Variants in ADAM28 observed in about 807,000 individuals in gnomAD.
ADAM28 encodes disintegrin and metalloproteinase domain-containing protein 28.
A neutral mutation model predicts 101.2 loss-of-function variants in ADAM28; 105 were observed. The observed-to-expected ratio is 1.04, with a 90% CI of 0.89 to 1.22. The LOEUF (loss-of-function observed/expected upper bound fraction) is 1.22. Ranked by LOEUF, ADAM28 falls within the 50% of genes most tolerant of loss-of-function variation. ADAM28 has a pLI of 0.00. For missense variants in ADAM28, 1,028 were observed against 945.4 expected, an observed-to-expected ratio of 1.09 and a Z score of -1.15; for synonymous variants, 322 against 310.6, an observed-to-expected ratio of 1.04 and a Z score of -0.39.
At chr8:24,311,487 T>G (rs759730684) in intron 5 of ADAM28, 50 bp downstream of exon 5, 1 of 1,486,556 alleles carries the variant, frequency 6.7e-7, no homozygotes, top group South Asian at 1.2e-5. Context: ...GGTATTTATG[T>G]ATGTATCTAA....
intron 19 of ADAM28, 125 bp from the exon 20 acceptor site, chr8:24,351,106 TA>T: frequency 5.7e-6 from 4 of 695,968 alleles, no homozygotes; most frequent in Non-Finnish European, 6.7e-6. Flanking sequence ...AGGGAGCAGA[TA>T]AAAACCCAGG....
At chr8:24,324,326 T>C (rs928393369) in intron 9 of ADAM28, among the ~76,000 whole-genome samples, 5 of 151,996 alleles carry the variant, frequency 3.3e-5, no homozygotes, top group African/African-American at 1.2e-4. Flanking sequence ...AGAAGAAACA[T>C]CTAAGATATT....
chr8:24,329,188 A>C (rs990057207), intron 10 of ADAM28, among the ~76,000 whole-genome samples: 3 of 152,068 alleles, frequency 2.0e-5, no homozygotes, highest in Admixed American at 6.6e-5. Context: ...GAAAGAATAT[A>C]GTGTGTCTAG....
intron 5 of ADAM28, among the ~76,000 whole-genome samples, chr8:24,312,931 A>G (rs1464329806): frequency 2.6e-5 from 4 of 152,214 alleles, no homozygotes; most frequent in African/African-American, 9.6e-5. Context: ...ATTAAGACAA[A>G]TAAATGTGGA....
At chr8:24,300,651 T>C (rs1238686420) in intron 2 of ADAM28, among the ~76,000 whole-genome samples, 1 of 152,048 alleles carries the variant, frequency 6.6e-6, no homozygotes, top group Non-Finnish European at 1.5e-5. Flanking sequence ...CTCCTGACCT[T>C]GTGATCCGCC....
Position 24,354,530 on chromosome 8 carries a change from C to CTGAT in ADAM28, c.*128_*131dup. The CTGAT allele has an allele frequency of 5.1e-6, 6 of 1,171,780 alleles. 1 individual carries two copies. Among genetic ancestry groups the CTGAT allele is most frequent in the Middle Eastern group, 2.0e-4 (1 of 4,942 alleles). 72.6% of individuals were successfully genotyped at this position (1,171,780 alleles called of 1,614,324 possible). A position where few individuals can be genotyped will look rare whatever the true frequency, so the allele number is the denominator to read the frequency against. ...CTCGACTCAAGAAGGTTAACATTTT[C>CTGAT]TGATTCATGTTAGACTTTGAAGAGA... On this transcript the variant is annotated 3_prime_UTR_variant, in exon 23 of 23. Coordinates refer to ENST00000265769, the MANE Select transcript of ADAM28 (RefSeq NM_014265.6).
intron 13 of ADAM28, among the ~76,000 whole-genome samples, 179 bp from the exon 14 acceptor site, chr8:24,335,267 T>C (rs1004657506): frequency 2.6e-5 from 4 of 152,094 alleles, no homozygotes; most frequent in Non-Finnish European, 5.9e-5. Context: ...TTAACCAATA[T>C]TAATAGAAGT....
intron 9 of ADAM28, chr8:24,325,198 T>A (rs918909498): frequency 3.9e-5 from 6 of 151,974 alleles, no homozygotes; most frequent in African/African-American, 1.4e-4. Flanking sequence ...GAATACTCCA[T>A]CACTGTAAGT....
chr8:24,327,462 G>T (rs1381115135), intron 10 of ADAM28, among the ~76,000 whole-genome samples: 1 of 152,074 alleles, frequency 6.6e-6, no homozygotes, highest in Non-Finnish European at 1.5e-5. Context: ...TGGCCATACT[G>T]CCCAACATAA....
intron 2 of ADAM28, among the ~76,000 whole-genome samples, chr8:24,304,974 C>A (rs1393579673): frequency 6.6e-6 from 1 of 151,712 alleles, no homozygotes; most frequent in Non-Finnish European, 1.5e-5. Flanking sequence ...CATCATATTC[C>A]AGTTCTTATG....
At chr8:24,353,655 A>T (rs1469846180) in intron 21 of ADAM28, 115 bp from the exon 22 acceptor site, 10 of 766,494 alleles carry the variant, frequency 1.3e-5, no homozygotes, top group Non-Finnish European at 2.2e-5. Context: ...GTTGGGTAGA[A>T]TTTAAATGAG....
chr8:24,342,896 T>TTAGA (rs1326329022), intron 16 of ADAM28: 1 of 839,234 alleles, frequency 1.2e-6, no homozygotes. Flanking sequence ...ACATAAATTC[T>TTAGA]TAGATAGACT....
intron 10 of ADAM28, among the ~76,000 whole-genome samples, chr8:24,327,227 A>T (rs1352616346): frequency 6.6e-6 from 1 of 152,140 alleles, no homozygotes; most frequent in Non-Finnish European, 1.5e-5. Context: ...TGCAAAAATC[A>T]CAAGCATTCG....
At chr8:24,328,748 T>C (rs766539871) in intron 10 of ADAM28, among the ~76,000 whole-genome samples, 39 of 151,930 alleles carry the variant, frequency 2.6e-4, no homozygotes, top group Admixed American at 7.2e-4. Flanking sequence ...GCCAACATGG[T>C]TAAACCCTAC....
chr8:24,323,407 A>T (rs1812136573), intron 8 of ADAM28, among the ~76,000 whole-genome samples: 1 of 151,980 alleles, frequency 6.6e-6, no homozygotes, highest in South Asian at 2.1e-4. Flanking sequence ...ATATCAAGTT[A>T]CTTCTTTCAT....
At position 24,351,508 on chromosome 8, in the gene ADAM28, C is replaced by T. The variant is rs571357619; in HGVS notation, c.2178+198C>T. ...CTACTTTGCCGGGGTTCATGAAATG[C>T]AAACAGAATAAAGAGAACAAAGAAT... On this transcript the variant is annotated intron_variant, in intron 20 of 22. Transcript: ENST00000265769. The T allele has an allele frequency of 5.7e-5, 37 of 650,396 alleles. 1 individual carries two copies. Among genetic ancestry groups the T allele is most frequent in the Admixed American group, 4.3e-4 (19 of 44,612 alleles). The allele number at this position is 650,396 out of a possible 1,614,324, so 40.3% of individuals were successfully genotyped here. A position where few individuals can be genotyped will look rare whatever the true frequency, so the allele number is the denominator to read the frequency against.
chr8:24,301,138 G>C (rs1289119177), intron 2 of ADAM28, among the ~76,000 whole-genome samples: 1 of 152,052 alleles, frequency 6.6e-6, no homozygotes, highest in Non-Finnish European at 1.5e-5. Context: ...CAGCACACTC[G>C]GTGCACATAT....
At position 24,335,505 on chromosome 8, in the gene ADAM28, G is replaced by GT; in HGVS notation, c.1432dup (p.Cys478LeufsTer2). 2 of 1,614,178 alleles carry GT rather than the reference G, an allele frequency of 1.2e-6. No homozygotes were observed. The highest frequency in any genetic ancestry group is 1.7e-6 in the Non-Finnish European group (2 of 1,180,014). On this transcript the variant is annotated frameshift_variant, in exon 14 of 23. Coordinates refer to ENST00000265769, the MANE Select transcript of ADAM28 (RefSeq NM_014265.6). LOFTEE classifies it high-confidence loss of function. The stretch of plus-strand genomic sequence containing the variant: ...AAGATGAGTGCGACCTGCCTGAAAT[G>GT]TGTAATGGTAAATCTGGTAATTGTC...
At chr8:24,313,365 C>T (rs754354919) in intron 5 of ADAM28, 23 bp from the exon 6 acceptor site, 5 of 1,588,158 alleles carry the variant, frequency 3.1e-6, no homozygotes, top group Non-Finnish European at 4.3e-6. Flanking sequence ...TGTTAAGAAG[C>T]CAGAACTCTC....
Sources: allele counts gnomAD v4.1 joint callset (sites outside exome capture counted in the v4.1 genomes callset), GRCh38; gene constraint gnomAD v4.1.1; transcripts MANE v1.5; gene names NCBI Gene and HGNC (gene_info 2026-07-23, HGNC 2026-07-21).